Variants in MCM6 observed in about 807,000 individuals in gnomAD.
MCM6 encodes minichromosome maintenance complex component 6.
In MCM6, 46 loss-of-function variants were observed where a neutral mutation model predicts 94.3. That is an observed-to-expected ratio of 0.49 (90% CI 0.39 to 0.62). MCM6 has a LOEUF of 0.62. Among genes scored for constraint, MCM6 ranks in the 20% least tolerant of loss-of-function variants. The probability of loss-of-function intolerance (pLI) is 0.00; values close to 1 mark genes in which losing one functional copy is unlikely to be tolerated. For missense variants in MCM6, 865 were observed against 1,017.9 expected (o/e 0.85, Z 2.04); for synonymous variants, 335 against 351.9 (o/e 0.95, Z 0.54).
At chr2:135,841,868 G>A (rs984991314) in intron 16 of MCM6, among the ~76,000 whole-genome samples, 2 of 152,162 alleles carry the variant, frequency 1.3e-5, no homozygotes, top group Non-Finnish European at 1.5e-5. Flanking sequence ...ACTTTGGGAG[G>A]CTGAGGTGGG....
At chr2:135,870,601 T>C (rs914555055) in intron 2 of MCM6, among the ~76,000 whole-genome samples, 3 of 152,220 alleles carry the variant, frequency 2.0e-5, no homozygotes, top group Admixed American at 1.3e-4. Context: ...ATATAGCACA[T>C]AAATAATCAT....
intron 2 of MCM6, among the ~76,000 whole-genome samples, chr2:135,872,111 T>C (rs1052498407): frequency 2.6e-5 from 4 of 151,924 alleles, no homozygotes; most frequent in Non-Finnish European, 5.9e-5. Context: ...GGGAAAACTA[T>C]ATAGAAAGCA....
chr2:135,865,109 G>T lies in MCM6; in HGVS notation c.982C>A (p.Gln328Lys). 6.3e-7 allele frequency: 1 copy of T among 1,581,900 alleles called. No individual in the cohort carries two copies. The highest frequency in any genetic ancestry group is 8.6e-7 in the Non-Finnish European group (1 of 1,165,050). ...TTCTCCCATTCTTTCACAGTCATTT[G>T]GTTCTTAATGCTCTCAGCTGTCTGT... ...EEQTAESIKNQMTVKEWEKVF... is the reference protein window; with the variant it reads ...EEQTAESIKNKMTVKEWEKVF... The change falls in exon 7 of 17, where the codon CAA becomes AAA. Residue 328 changes from glutamine to lysine, a missense_variant. Gln to Lys is a moderately conservative substitution (Grantham distance 53, BLOSUM62 1). This residue lies in a region of MCM6 where 404 missense variants were observed against 451.9 expected (regional missense o/e 0.89). Transcript: ENST00000264156.
intron 15 of MCM6, among the ~76,000 whole-genome samples, chr2:135,845,903 A>G (rs1428562540): frequency 6.6e-6 from 1 of 152,206 alleles, no homozygotes; most frequent in African/African-American, 2.4e-5. Context: ...AGCTGTTTTA[A>G]ACAGAACCAT....
intron 13 of MCM6, 80 bp from the exon 14 acceptor site, chr2:135,848,268 T>C: frequency 9.2e-7 from 1 of 1,088,112 alleles, no homozygotes; most frequent in Non-Finnish European, 1.4e-6. Context: ...ATCACAGTAG[T>C]ATGTATTTTG....
At position 135,865,154 on chromosome 2, in the gene MCM6, T is replaced by TC; in HGVS notation, c.936dup (p.Lys313GlufsTer6). ...GTCTGTTCCTCATCTCTGAGCTCTT[T>TC]CCCCCCAAACTAATGGTAGAGAACA... On this transcript the variant is annotated frameshift_variant, in exon 7 of 17. Transcript: ENST00000264156. LOFTEE classifies it high-confidence loss of function. 3 of 1,528,210 alleles carry TC rather than the reference T, an allele frequency of 2.0e-6. No individual in the cohort carries two copies. The highest frequency in any genetic ancestry group is 1.8e-4 in the Middle Eastern group (1 of 5,686). 94.7% of individuals were successfully genotyped at this position (1,528,210 alleles called of 1,614,324 possible).
intron 7 of MCM6, among the ~76,000 whole-genome samples, chr2:135,864,687 T>C (rs1280113103): frequency 6.6e-6 from 1 of 152,238 alleles, no homozygotes; most frequent in Admixed American, 6.5e-5. Context: ...TCAGTGGCAG[T>C]AAGTACATTA....
chr2:135,862,918 G>A (rs1163706449), intron 7 of MCM6, among the ~76,000 whole-genome samples, 170 bp from the exon 8 acceptor site: 1 of 152,168 alleles, frequency 6.6e-6, no homozygotes, highest in Non-Finnish European at 1.5e-5. Flanking sequence ...CTTGTTCTGT[G>A]GACTTAGTCA....
chr2:135,874,603 A>G (rs1241322262), intron 1 of MCM6, among the ~76,000 whole-genome samples: 1 of 152,268 alleles, frequency 6.6e-6, no homozygotes, highest in Non-Finnish European at 1.5e-5. Context: ...AGCAAAATGC[A>G]GTATATATAC....
chr2:135,859,420 T>C lies in MCM6; in HGVS notation c.1243A>G (p.Arg415Gly). The change falls in exon 9 of 17, where the codon AGA (arginine) becomes GGA (glycine). Residue 415 changes from arginine to glycine, a missense_variant. Physicochemically the swap from Arg to Gly is moderately radical, Grantham distance 125. Around this residue, in one of 3 missense-constraint regions of MCM6, gnomAD observed 153 missense variants for 241.5 expected, o/e 0.63. Transcript: ENST00000264156. Reference sequence around the variant, plus strand: ...GCTTTACCACTGGTGTAGACAGCTCTGGGGCTGAACTCCTCCACGTGCCTG... The same window carrying C: ...GCTTTACCACTGGTGTAGACAGCTCCGGGGCTGAACTCCTCCACGTGCCTG... ...FLKHVEEFSP[R>G]AVYTSGKASS... 6.2e-7 allele frequency: 1 copy of C among 1,612,988 alleles called. No homozygotes were observed. The highest frequency in any genetic ancestry group is 8.5e-7 in the Non-Finnish European group (1 of 1,179,420).
At position 135,840,339 on chromosome 2, in the gene MCM6, G is replaced by T. The variant is rs1679546975; in HGVS notation, c.*496C>A. The stretch of plus-strand genomic sequence containing the variant: ...TAGAAACCTCATCCATAATACCACA[G>T]TTCTACCTCTTCACTCCAGGTTAAG... On this transcript the variant is annotated 3_prime_UTR_variant, in exon 17 of 17. Transcript: ENST00000264156. 6.6e-6 allele frequency: 1 copy of T among 152,040 alleles called. No individual in the cohort carries two copies. Among genetic ancestry groups the T allele is most frequent in the Non-Finnish European group, 1.5e-5 (1 of 68,242 alleles). 9.4% of individuals were successfully genotyped at this position (152,040 alleles called of 1,614,324 possible).
intron 11 of MCM6, among the ~76,000 whole-genome samples, chr2:135,856,114 T>A (rs1374245080): frequency 1.3e-5 from 2 of 151,658 alleles, no homozygotes; most frequent in East Asian, 3.9e-4. Context: ...AAAAGCCCAA[T>A]CAACAAAACA....
chr2:135,846,331 T>C lies in MCM6; in HGVS notation c.2115A>G (p.Gln705=). Residue 705 remains glutamine (Q), a synonymous_variant, in exon 15 of 17, where the codon CAA becomes CAG. Transcript: ENST00000264156. ...GINGYNEDIN[Q]ESAPKASLRL... is the part of the protein sequence containing the mutation. ...TTAAGGAGGCTTTGGGAGCAGACTC[T>C]TGATTTATGTCTTCATTGTAGCCAT... 6.2e-7 allele frequency: 1 copy of C among 1,614,158 alleles called. No individual in the cohort carries two copies. The highest frequency in any genetic ancestry group is 8.5e-7 in the Non-Finnish European group (1 of 1,179,976).
At chr2:135,859,721 G>A (rs1679954117) in intron 8 of MCM6, among the ~76,000 whole-genome samples, 1 of 152,044 alleles carries the variant, frequency 6.6e-6, no homozygotes, top group South Asian at 2.1e-4. Flanking sequence ...TCGTGCCTCA[G>A]CCTCCCGAGT....
At chr2:135,860,571 C>G (rs181838576) in intron 8 of MCM6, among the ~76,000 whole-genome samples, 15 of 152,268 alleles carry the variant, frequency 9.9e-5, no homozygotes, top group Admixed American at 9.2e-4. Flanking sequence ...GGTTTAACAT[C>G]TGAAAATCAA....
chr2:135,862,827 C>A, intron 7 of MCM6, 79 bp from the exon 8 acceptor site: 2 of 1,480,274 alleles, frequency 1.4e-6, no homozygotes, highest in Non-Finnish European at 1.9e-6. Context: ...ACAGTAAAGG[C>A]ATGTTTACCA....
intron 8 of MCM6, among the ~76,000 whole-genome samples, chr2:135,860,482 TC>T (rs1286252234): frequency 6.6e-6 from 1 of 152,116 alleles, no homozygotes; most frequent in East Asian, 1.9e-4. Context: ...ACAGCAACAA[TC>T]ATCTATCAGA....
intron 8 of MCM6, among the ~76,000 whole-genome samples, chr2:135,859,913 C>T (rs1182600367): frequency 6.6e-6 from 1 of 152,014 alleles, no homozygotes; most frequent in Non-Finnish European, 1.5e-5. Flanking sequence ...AAGCGATTCT[C>T]CTGCCTCAGC....
At position 135,868,680 on chromosome 2, in the gene MCM6, A is replaced by G; in HGVS notation, c.546T>C (p.Asn182=). The part of the protein sequence containing the change: ...FKYTQPNICR[N]PVCANRRRFL... ...ATCTCCTCCTGTTGGCACAAACTGG[A>G]TTTCGGCAGATGTTTGGCTGTGTGT... The change falls in exon 4 of 17, where the codon AAT becomes AAC. Residue 182 remains asparagine (N), a synonymous_variant. Coordinates refer to ENST00000264156, the MANE Select transcript of MCM6 (RefSeq NM_005915.6). The G allele has an allele frequency of 1.2e-6, 2 of 1,614,198 alleles. No homozygotes were observed. The highest frequency in any genetic ancestry group is 1.7e-6 in the Non-Finnish European group (2 of 1,180,026).
Sources: gnomAD v4.1 joint callset for allele counts (sites outside exome capture counted in the v4.1 genomes callset) on GRCh38, gnomAD v4.1.1 for gene constraint, gnomAD v4.1.1 regional missense constraint, MANE v1.5 for transcripts, NCBI Gene and HGNC (gene_info 2026-07-23, HGNC 2026-07-21) for gene names.